Variants in GPM6A observed in about 807,000 individuals in gnomAD.
GPM6A encodes the protein glycoprotein M6A.
A neutral mutation model predicts 32.1 loss-of-function variants in GPM6A; 7 were observed. That is an observed-to-expected ratio of 0.22 (90% CI 0.12 to 0.41). GPM6A has a LOEUF of 0.41. GPM6A is among the 10% of genes least tolerant of loss of function. The pLI, the probability that GPM6A is intolerant of heterozygous loss-of-function variation, is 1.00. For synonymous variants in GPM6A, 130 were observed against 123.4 expected (o/e 1.05, Z -0.35); for missense variants, 235 against 347.2 (o/e 0.68, Z 2.57).
At chr4:175,873,241 T>C (rs1736968824) in intron 1 of GPM6A, among the ~76,000 whole-genome samples, 1 of 152,116 alleles carries the variant, frequency 6.6e-6, no homozygotes, top group South Asian at 2.1e-4. Context: ...CAGGCATTCC[T>C]TTATTACATT....
At chr4:175,767,068 A>G (rs2111223663) in intron 1 of GPM6A, among the ~76,000 whole-genome samples, 1 of 152,320 alleles carries the variant, frequency 6.6e-6, no homozygotes, top group South Asian at 2.1e-4. Flanking sequence ...GGTATGCAGT[A>G]AAACGTAAGG....
intron 1 of GPM6A, among the ~76,000 whole-genome samples, chr4:175,786,051 C>T (rs1033138810): frequency 6.6e-6 from 1 of 152,046 alleles, no homozygotes; most frequent in Non-Finnish European, 1.5e-5. Context: ...AGCTGTGACC[C>T]AAGGCATCTC....
In GPM6A at chr4:175,872,487, G is replaced by T. The variant is rs182670790; in HGVS notation, c.-22-60238C>A. On this transcript the variant is annotated intron_variant, in intron 1 of 7. Transcript: ENST00000280187. The stretch of plus-strand genomic sequence containing the variant: ...TGAGTTGCCATGCAAATTGAAGTAT[G>T]CATAACTAAGGCAAAGAAAGAAATT... Among the ~76,000 whole-genome samples, 161 of 152,294 alleles carry T rather than the reference G, an allele frequency of 1.1e-3. 3 individuals carry two copies. The highest frequency in any genetic ancestry group is 8.0e-3 in the Admixed American group (122 of 15,296).
chr4:175,712,331 C>T (rs1745600449), intron 1 of GPM6A, among the ~76,000 whole-genome samples: 2 of 152,190 alleles, frequency 1.3e-5, no homozygotes, highest in Admixed American at 1.3e-4. Context: ...CCTGCGGCCA[C>T]ACTATGGCAG....
At chr4:175,650,466 G>A (rs1188982527) in intron 4 of GPM6A, among the ~76,000 whole-genome samples, 3 of 151,774 alleles carry the variant, frequency 2.0e-5, no homozygotes, top group Non-Finnish European at 2.9e-5. Context: ...CACCATGCCT[G>A]GCTAATTTTT....
upstream of GPM6A, among the ~76,000 whole-genome samples, chr4:175,814,328 A>G (rs1009135078): frequency 6.6e-6 from 1 of 152,210 alleles, no homozygotes; most frequent in African/African-American, 2.4e-5. Flanking sequence ...AGGGACACCT[A>G]GAGACTGGGC....
chr4:175,860,946 C>T (rs866691564), intron 1 of GPM6A, among the ~76,000 whole-genome samples: 2 of 152,010 alleles, frequency 1.3e-5, no homozygotes, highest in African/African-American at 4.8e-5. Context: ...TAGAAATTTC[C>T]TCACATAAAT....
chr4:175,948,958 A>AGTGT (rs34417872), intron 1 of GPM6A, among the ~76,000 whole-genome samples: 58,059 of 144,446 alleles, frequency 0.4, 13,786 homozygotes, highest in Non-Finnish European at 0.53. Flanking sequence ...TTTGGTGGTA[A>AGTGT]GTGTGTGTGT....
intron 1 of GPM6A, among the ~76,000 whole-genome samples, chr4:175,825,547 G>A (rs1735407870): frequency 6.6e-6 from 1 of 152,118 alleles, no homozygotes; most frequent in African/African-American, 2.4e-5. Context: ...TTCTTACATG[G>A]GCAATGATGA....
chr4:175,757,974 T>C (rs1208313880), intron 1 of GPM6A, among the ~76,000 whole-genome samples: 1 of 152,158 alleles, frequency 6.6e-6, no homozygotes, highest in African/African-American at 2.4e-5. Context: ...TAATTGTAAA[T>C]ATGTTATGTA....
intron 1 of GPM6A, among the ~76,000 whole-genome samples, chr4:175,851,261 C>T (rs1244367455): frequency 3.3e-5 from 5 of 151,886 alleles, no homozygotes; most frequent in Middle Eastern, 3.4e-3. Flanking sequence ...CCAAGGTGGG[C>T]GGATCACAAG....
At chr4:176,001,045 A>G (rs1741460654) in intron 1 of GPM6A, among the ~76,000 whole-genome samples, 1 of 152,224 alleles carries the variant, frequency 6.6e-6, no homozygotes, top group Non-Finnish European at 1.5e-5. Flanking sequence ...TCTTGATCAC[A>G]GCTAACATTC....
At chr4:175,923,593 G>C (rs766981244) in intron 1 of GPM6A, among the ~76,000 whole-genome samples, 1 of 151,604 alleles carries the variant, frequency 6.6e-6, no homozygotes, top group Non-Finnish European at 1.5e-5. Flanking sequence ...GGGCTCTCTT[G>C]CCCAGGCTGG....
intron 1 of GPM6A, among the ~76,000 whole-genome samples, chr4:175,982,887 T>C (rs1561022297): frequency 6.6e-6 from 1 of 152,156 alleles, no homozygotes; most frequent in Non-Finnish European, 1.5e-5. Flanking sequence ...TCTATTTAGG[T>C]CTTTGTTTTC....
chr4:175,889,618 A>G (rs555073394), intron 1 of GPM6A, among the ~76,000 whole-genome samples: 241 of 152,132 alleles, frequency 1.6e-3, no homozygotes, highest in African/African-American at 5.6e-3. Context: ...GATTGAGGCC[A>G]TTGGCTAACC....
chr4:175,819,058 T>C (rs918010363), intron 1 of GPM6A, among the ~76,000 whole-genome samples: 5 of 152,226 alleles, frequency 3.3e-5, no homozygotes, highest in Non-Finnish European at 5.9e-5. Context: ...ATAGTTTTGT[T>C]TTCTCCAAAA....
intron 1 of GPM6A, among the ~76,000 whole-genome samples, chr4:175,862,320 A>G (rs1164039526): frequency 1.3e-5 from 2 of 152,210 alleles, no homozygotes; most frequent in Non-Finnish European, 2.9e-5. Context: ...CATCAAGGGT[A>G]ACCGTCCCTG....
intron 2 of GPM6A, among the ~76,000 whole-genome samples, chr4:175,677,829 C>T (rs960890942): frequency 9.2e-5 from 14 of 152,078 alleles, no homozygotes; most frequent in African/African-American, 3.1e-4. Context: ...ATAAGCATAT[C>T]ACCATATCCA....
chr4:175,695,586 T>A (rs1744532673), intron 2 of GPM6A, among the ~76,000 whole-genome samples: 1 of 152,224 alleles, frequency 6.6e-6, no homozygotes, highest in Admixed American at 6.5e-5. Context: ...AATTGGAGTA[T>A]TTACCCAATG....
Sources: gnomAD v4.1 joint callset for allele counts (sites outside exome capture counted in the v4.1 genomes callset) on GRCh38, gnomAD v4.1.1 for gene constraint, MANE v1.5 for transcripts, NCBI Gene and HGNC (gene_info 2026-07-23, HGNC 2026-07-21) for gene names.